The following KIF21A variants were observed in gnomAD, a reference collection of about 807,000 sequenced individuals.
KIF21A encodes kinesin family member 21A.
KIF21A carries 114 observed loss-of-function variants against 202.9 expected under a neutral mutation model. That is an observed-to-expected ratio of 0.56 (90% CI 0.48 to 0.66). KIF21A has a LOEUF of 0.66. Ranked by LOEUF, KIF21A falls within the 30% of genes least tolerant of loss-of-function variation. KIF21A has a pLI of 0.00. For synonymous variants in KIF21A, 667 were observed against 670.8 expected (o/e 0.99, Z 0.09); for missense variants, 1,677 against 1,994.9 (o/e 0.84, Z 3.04).
chr12:39,376,218 C>T (rs1158911650), intron 1 of KIF21A, among the ~76,000 whole-genome samples: 1 of 152,092 alleles, frequency 6.6e-6, no homozygotes, highest in East Asian at 1.9e-4. Flanking sequence ...TACAGATATA[C>T]ACACATACAT....
chr12:39,401,963 A>G lies in KIF21A; in HGVS notation c.45-31702T>C, dbSNP rs1282975516. On this transcript the variant is annotated intron_variant, in intron 1 of 37. Coordinates refer to ENST00000361418, the MANE Select transcript of KIF21A (RefSeq NM_001173464.2). ...TTACAAGTTGCAAATATGCAGAGAA[A>G]TAGACTAAATTAGACTGCATTCATG... is the stretch of plus-strand genomic sequence containing the variant. Among the ~76,000 whole-genome samples, 9 of 152,354 alleles carry G rather than the reference A, an allele frequency of 5.9e-5. No individual in the cohort carries two copies. In the South Asian group the frequency reaches 1.7e-3, roughly 28 times the overall value.
chr12:39,362,973 T>A (rs999941265), intron 7 of KIF21A, 125 bp downstream of exon 7: 2 of 671,914 alleles, frequency 3.0e-6, no homozygotes, highest in Non-Finnish European at 5.4e-6. Context: ...CTTAACAGTA[T>A]AAGGATTAGT....
intron 37 of KIF21A, among the ~76,000 whole-genome samples, chr12:39,294,805 C>T (rs1942135521): frequency 6.6e-6 from 1 of 152,218 alleles, no homozygotes; most frequent in African/African-American, 2.4e-5. Context: ...CTATAATCCT[C>T]TTTTTATTGA....
chr12:39,331,584 A>G (rs1946509442), intron 22 of KIF21A, 106 bp downstream of exon 22: 2 of 791,660 alleles, frequency 2.5e-6, no homozygotes, highest in African/African-American at 3.4e-5. Flanking sequence ...ATTATGAATA[A>G]TCTTCTTCCT....
rs752501533 is a variant in KIF21A, at chr12:39,309,773, C to T, written c.4097-7G>A. 1.9e-6 allele frequency: 3 copies of T among 1,611,044 alleles called. No homozygotes were observed. The highest frequency in any genetic ancestry group is 1.7e-4 in the Middle Eastern group (1 of 6,054). The stretch of plus-strand genomic sequence containing the variant: ...CATACTTTACAAGTACGATCTAAAA[C>T]AAACACATAAAAAAAAGAAAACACC... On this transcript the variant is annotated splice_region_variant and splice_polypyrimidine_tract_variant and intron_variant, in intron 32 of 37. Coordinates refer to ENST00000361418, the MANE Select transcript of KIF21A (RefSeq NM_001173464.2).
At chr12:39,406,945 C>T (rs1952639653) in intron 1 of KIF21A, among the ~76,000 whole-genome samples, 1 of 152,200 alleles carries the variant, frequency 6.6e-6, no homozygotes, top group African/African-American at 2.4e-5. Context: ...TACAAGCTAT[C>T]AGAATAAAAC....
intron 33 of KIF21A, among the ~76,000 whole-genome samples, chr12:39,308,341 T>C (rs4620763): frequency 0.1 from 15,617 of 151,588 alleles, 806 homozygotes; most frequent in East Asian, 0.14. Context: ...TGAGCCGAGA[T>C]TGCACCACTG....
chr12:39,313,790 G>A (rs1944256158), intron 31 of KIF21A, among the ~76,000 whole-genome samples: 1 of 151,768 alleles, frequency 6.6e-6, no homozygotes, highest in African/African-American at 2.4e-5. Context: ...GACAGCGATA[G>A]ACTTACTGCA....
chr12:39,312,022 G>T (rs1191459047), intron 31 of KIF21A: 1 of 154,344 alleles, frequency 6.5e-6, no homozygotes, highest in East Asian at 1.9e-4. Context: ...AAAAATTGAA[G>T]ATAGGAATAA....
intron 7 of KIF21A, among the ~76,000 whole-genome samples, chr12:39,362,130 G>A (rs1949285867): frequency 6.6e-6 from 1 of 152,098 alleles, no homozygotes; most frequent in Admixed American, 6.5e-5. Context: ...TGTCATGACT[G>A]TAAGTTTCCT....
At chr12:39,414,430 T>G (rs902635496) in intron 1 of KIF21A, among the ~76,000 whole-genome samples, 2 of 152,048 alleles carry the variant, frequency 1.3e-5, no homozygotes, top group African/African-American at 4.8e-5. Context: ...AGTGTGAAAA[T>G]CATCTTTAAG....
chr12:39,392,705 G>T (rs1244928161), intron 1 of KIF21A, among the ~76,000 whole-genome samples: 1 of 151,472 alleles, frequency 6.6e-6, no homozygotes, highest in Middle Eastern at 3.2e-3. Context: ...GAGAGCATTT[G>T]CAGCACTGTG....
intron 37 of KIF21A, among the ~76,000 whole-genome samples, chr12:39,297,941 A>G (rs1942570732): frequency 6.6e-6 from 1 of 150,590 alleles, no homozygotes; most frequent in Non-Finnish European, 1.5e-5. Context: ...AAAAAAGAAA[A>G]GAAAAGATCA....
In KIF21A at chr12:39,368,036, T is replaced by A; in HGVS notation, c.451-4A>T. On this transcript the variant is annotated splice_polypyrimidine_tract_variant and splice_region_variant and intron_variant, in intron 3 of 37. Transcript: ENST00000361418. Reference sequence around the variant, plus strand: ...CAAGGACCTCTTCATTATAGAGCTATCAAAAAAATATTAGAAATCTAATTT... The same window carrying A: ...CAAGGACCTCTTCATTATAGAGCTAACAAAAAAATATTAGAAATCTAATTT... 6.4e-7 allele frequency: 1 copy of A among 1,562,654 alleles called. No homozygotes were observed. The highest frequency in any genetic ancestry group is 8.8e-7 in the Non-Finnish European group (1 of 1,137,552).
Position 39,370,034 on chromosome 12 carries a change from C to T in KIF21A, c.267+5G>A. 6.2e-7 allele frequency: 1 copy of T among 1,609,086 alleles called. No homozygotes were observed. The highest frequency in any genetic ancestry group is 8.5e-7 in the Non-Finnish European group (1 of 1,175,580). On this transcript the variant is annotated splice_donor_5th_base_variant and intron_variant, in intron 2 of 37. Coordinates refer to ENST00000361418, the MANE Select transcript of KIF21A (RefSeq NM_001173464.2). ...CAACTCCTATGAAAATAATATGGCA[C>T]TTACTTGTCCATAAGCAAAAACTGT...
At chr12:39,438,971 T>G (rs191785154) in intron 1 of KIF21A, among the ~76,000 whole-genome samples, 1 of 152,328 alleles carries the variant, frequency 6.6e-6, no homozygotes, top group Non-Finnish European at 1.5e-5. Flanking sequence ...ATTGTTCATT[T>G]TTGTTGGCGA....
At chr12:39,340,129 G>T in intron 16 of KIF21A, 36 bp downstream of exon 16, 2 of 1,517,076 alleles carry the variant, frequency 1.3e-6, no homozygotes, top group South Asian at 1.1e-5. Flanking sequence ...AAATCATACT[G>T]AACATCAAAC....
At chr12:39,383,340 T>A (rs561218165) in intron 1 of KIF21A, among the ~76,000 whole-genome samples, 27 of 152,344 alleles carry the variant, frequency 1.8e-4, no homozygotes, top group African/African-American at 6.0e-4. Flanking sequence ...TAATGAGTTG[T>A]CTAAGCCACT....
At chr12:39,320,492 C>T (rs1346755287) in intron 27 of KIF21A, among the ~76,000 whole-genome samples, 1 of 151,996 alleles carries the variant, frequency 6.6e-6, no homozygotes, top group Non-Finnish European at 1.5e-5. Flanking sequence ...AATTATTTTA[C>T]TTAGCTAGTA....
Sources: allele counts gnomAD v4.1 joint callset (sites outside exome capture counted in the v4.1 genomes callset), GRCh38; gene constraint gnomAD v4.1.1; transcripts MANE v1.5; gene names NCBI Gene and HGNC (gene_info 2026-07-23, HGNC 2026-07-21).